Variants in SCUBE2 observed in about 807,000 individuals in gnomAD.
SCUBE2 encodes the protein signal peptide, CUB domain and EGF like domain containing 2.
In SCUBE2, 114 loss-of-function variants were observed where a neutral mutation model predicts 125.9. The ratio of observed to expected loss-of-function variants is 0.91; its 90% CI spans 0.78 to 1.06. The LOEUF (loss-of-function observed/expected upper bound fraction) is 1.06, where lower values mean the gene tolerates loss of function less well. SCUBE2 is among the 50% of genes least tolerant of loss of function. The probability of loss-of-function intolerance (pLI) is 0.00; values close to 1 mark genes in which losing one functional copy is unlikely to be tolerated. For synonymous variants in SCUBE2, 459 were observed against 492.9 expected (o/e 0.93, Z 0.91); for missense variants, 1,255 against 1,301.8 (o/e 0.96, Z 0.55).
intron 20 of SCUBE2, 123 bp downstream of exon 20, chr11:9,027,241 G>A (rs1406773101): frequency 7.9e-6 from 7 of 881,952 alleles, no homozygotes; most frequent in Non-Finnish European, 1.1e-5. Context: ...ATAAACTCAT[G>A]TTCACCTCTG....
chr11:9,030,923 G>A lies in SCUBE2; in HGVS notation c.2176C>T (p.Leu726=), dbSNP rs777039755. ...EAWNMSECGG[L]CQPGEYSADG... ...GCAGAATATTCACCAGGTTGACACAGACCTGGAAGGACCAATAGCCTTACG... is the reference window on the plus strand; with the variant it reads ...GCAGAATATTCACCAGGTTGACACAAACCTGGAAGGACCAATAGCCTTACG... Residue 726 remains leucine, a splice_region_variant and synonymous_variant, in exon 18 of 23, where the codon CTG becomes TTG. Coordinates refer to ENST00000649792, the MANE Select transcript of SCUBE2 (RefSeq NM_001367977.2). 2.5e-6 allele frequency: 4 copies of A among 1,612,812 alleles called. No individual in the cohort carries two copies. The highest frequency in any genetic ancestry group is 1.7e-4 in the Middle Eastern group (1 of 6,054).
chr11:9,068,784 G>T (rs1860502365), intron 5 of SCUBE2, among the ~76,000 whole-genome samples: 1 of 152,216 alleles, frequency 6.6e-6, no homozygotes, highest in Non-Finnish European at 1.5e-5. Context: ...TGCAGTGCTT[G>T]TAAGAATTAA....
Position 9,074,551 on chromosome 11 carries a change from G to C in SCUBE2, c.447C>G (p.Ser149Arg). 6.2e-7 allele frequency: 1 copy of C among 1,614,198 alleles called. No individual in the cohort carries two copies. The highest frequency in any genetic ancestry group is 1.6e-4 in the Middle Eastern group (1 of 6,062). ...CQHTCVNVMG[S>R]YECCCKEGFF... ...ACCCCTCCTTGCAGCAGCACTCATA[G>C]CTCCCCATGACGTTGACACAGGTAT... Residue 149 changes from serine (S) to arginine (R), a missense_variant, in exon 4 of 23, where the codon AGC becomes AGG. Physicochemically the swap from Ser to Arg is moderately radical, Grantham distance 110. Around this residue, in one of 3 missense-constraint regions of SCUBE2, gnomAD observed 362 missense variants for 323.0 expected, o/e 1.12. Coordinates refer to ENST00000649792, the MANE Select transcript of SCUBE2 (RefSeq NM_001367977.2).
At chr11:9,025,884 T>C (rs746874591) in intron 20 of SCUBE2, 30 bp from the exon 21 acceptor site, 4 of 1,607,278 alleles carry the variant, frequency 2.5e-6, no homozygotes. Context: ...AAGGGTGGGG[T>C]TCAAGACTCA....
At chr11:9,067,454 C>G (rs372901761) in intron 5 of SCUBE2, among the ~76,000 whole-genome samples, 1 of 152,158 alleles carries the variant, frequency 6.6e-6, no homozygotes, top group African/African-American at 2.4e-5. Context: ...AAACGGGAGG[C>G]GGGAAACTGC....
chr11:9,045,610 GACACACACACACACACAC>G (rs72142315), intron 16 of SCUBE2, among the ~76,000 whole-genome samples: 1 of 99,150 alleles, frequency 1.0e-5, no homozygotes, highest in African/African-American at 3.5e-5. Flanking sequence ...CAGACAGACA[GACACACACACACACACAC>G]ACACACACAC....
chr11:9,083,123 A>AATACAATTAATTGTATAC (rs1371409445), intron 2 of SCUBE2, among the ~76,000 whole-genome samples: 2 of 151,970 alleles, frequency 1.3e-5, no homozygotes, highest in Non-Finnish European at 2.9e-5. Flanking sequence ...GGAAAGAATG[A>AATACAATTAATTGTATAC]ATACAATTAA....
intron 21 of SCUBE2, 57 bp from the exon 22 acceptor site, chr11:9,022,012 C>T: frequency 7.7e-7 from 1 of 1,291,870 alleles, no homozygotes. Flanking sequence ...TCCAAACTCA[C>T]TCTTTCACTT....
intron 7 of SCUBE2, among the ~76,000 whole-genome samples, chr11:9,063,830 G>A (rs944319477): frequency 6.6e-6 from 1 of 152,196 alleles, no homozygotes; most frequent in African/African-American, 2.4e-5. Flanking sequence ...CAAGAAAATT[G>A]ATTTGATTAG....
At chr11:9,079,063 A>G (rs2135896456) in intron 3 of SCUBE2, among the ~76,000 whole-genome samples, 1 of 48,166 alleles carries the variant, frequency 2.1e-5, no homozygotes, top group African/African-American at 5.2e-5. Flanking sequence ...CACTTACAGC[A>G]TTGAAAAAAA....
Position 9,027,360 on chromosome 11 carries a change from G to T in SCUBE2, c.2701+4C>A. 6.2e-7 allele frequency: 1 copy of T among 1,613,656 alleles called. No homozygotes were observed. The highest frequency in any genetic ancestry group is 8.5e-7 in the Non-Finnish European group (1 of 1,179,834). ...GAGAAAGGGAGGGAGGGAGTGAGAC[G>T]CACAGGTTTTCCGCATCACCAGATA... On this transcript the variant is annotated splice_donor_region_variant and intron_variant, in intron 20 of 22. Transcript: ENST00000649792.
rs1555233969 is a variant in SCUBE2 at position 9,021,184 on chromosome 11, A to ATAAGT, written c.2943_2947dup (p.Ile983AsnfsTer44). ...GGCCAGGACATCAAACAGAGCCTTGATAAGTTTCTTATCCTAAAAAGAACA... is the reference window on the plus strand; with the variant it reads ...GGCCAGGACATCAAACAGAGCCTTGATAAGTTAAGTTTCTTATCCTAAAAAGAACA... On this transcript the variant is annotated frameshift_variant, in exon 23 of 23. Coordinates refer to ENST00000649792, the MANE Select transcript of SCUBE2 (RefSeq NM_001367977.2). LOFTEE classifies it high-confidence loss of function. 6.3e-7 allele frequency: 1 copy of ATAAGT among 1,577,440 alleles called. No individual in the cohort carries two copies. Among genetic ancestry groups the ATAAGT allele is most frequent in the East Asian group, 2.3e-5 (1 of 44,118 alleles).
intron 9 of SCUBE2, chr11:9,057,195 T>C (rs558786878): frequency 2.5e-4 from 38 of 152,330 alleles, no homozygotes; most frequent in African/African-American, 8.7e-4. Context: ...TTGCCAAAAA[T>C]AATGAGATCA....
At chr11:9,021,821 A>C in intron 22 of SCUBE2, 55 bp downstream of exon 22, 1 of 1,328,110 alleles carries the variant, frequency 7.5e-7, no homozygotes, top group African/African-American at 1.4e-5. Flanking sequence ...CTTCTCCAAC[A>C]GTACTCGGGA....
Position 9,074,421 on chromosome 11 carries a change from C to T in SCUBE2, c.517+60G>A, listed in dbSNP as rs565761414. Reference sequence around the variant, plus strand: ...CCTCTAGAGTCAGTGTGTGTGTGCGCGTGCAAGGGAGAGGGTCTCAGATGT... The same window carrying T: ...CCTCTAGAGTCAGTGTGTGTGTGCGTGTGCAAGGGAGAGGGTCTCAGATGT... On this transcript the variant is annotated intron_variant, in intron 4 of 22. Transcript: ENST00000649792. The T allele has an allele frequency of 3.8e-4, 606 of 1,591,036 alleles. 1 individual carries two copies. The African/African-American group carries it at 6.0e-3, about 16-fold the overall frequency.
At chr11:9,043,266 A>G (rs1857404123) in intron 16 of SCUBE2, among the ~76,000 whole-genome samples, 1 of 150,160 alleles carries the variant, frequency 6.7e-6, no homozygotes, top group African/African-American at 2.5e-5. Context: ...ATACATACAT[A>G]CATACATATA....
intron 13 of SCUBE2, among the ~76,000 whole-genome samples, chr11:9,051,200 A>C (rs1858346396): frequency 6.8e-6 from 1 of 147,134 alleles, no homozygotes; most frequent in African/African-American, 2.5e-5. Flanking sequence ...CTATCTATCT[A>C]TCTATCTATC....
chr11:9,045,424 A>G (rs917075284), intron 16 of SCUBE2, among the ~76,000 whole-genome samples: 1 of 152,084 alleles, frequency 6.6e-6, no homozygotes, highest in African/African-American at 2.4e-5. Flanking sequence ...CCCCCAGGAG[A>G]GATGGAAGTG....
At chr11:9,031,084 C>A in intron 17 of SCUBE2, 159 bp from the exon 18 acceptor site, 3 of 636,474 alleles carry the variant, frequency 4.7e-6, no homozygotes, top group Non-Finnish European at 5.3e-6. Context: ...GTGCTTCTGA[C>A]CCTGAGTCAA....
Sources: gnomAD v4.1 joint callset for allele counts (sites outside exome capture counted in the v4.1 genomes callset) on GRCh38, gnomAD v4.1.1 for gene constraint, gnomAD v4.1.1 regional missense constraint, MANE v1.5 for transcripts, NCBI Gene and HGNC (gene_info 2026-07-23, HGNC 2026-07-21) for gene names.